STK32C: variants seen among roughly 807,000 people sequenced by gnomAD.
The protein encoded by STK32C is serine/threonine-protein kinase 32C.
In STK32C, 31 loss-of-function variants were observed where a neutral mutation model predicts 56.5. The ratio of observed to expected loss-of-function variants is 0.55; its 90% confidence interval spans 0.41 to 0.74. The LOEUF (loss-of-function observed/expected upper bound fraction) is 0.74. Ranked by LOEUF, STK32C falls within the 30% of genes least tolerant of loss-of-function variation. The probability of loss-of-function intolerance (pLI) is 0.00; values close to 1 mark genes in which losing one functional copy is unlikely to be tolerated. For synonymous variants in STK32C, 309 were observed against 289.4 expected, an observed-to-expected ratio of 1.07 and a Z score of -0.69; for missense variants, 544 against 676.9, an observed-to-expected ratio of 0.80 and a Z score of 2.18.
At chr10:132,230,679 CGGGGG>C (rs377544275) in intron 2 of STK32C, among the ~76,000 whole-genome samples, 1 of 49,684 alleles carries the variant, frequency 2.0e-5, no homozygotes, top group South Asian at 8.5e-4. Flanking sequence ...GGGAAGCTGG[CGGGGG>C]GGGGGGGGCT....
rs1223040750 is a variant in STK32C, at chr10:132,317,967, C to CAAAAAAAAAA, written c.301+13459_301+13468dup. 9.8e-3 allele frequency among the ~76,000 whole-genome samples: 546 copies of CAAAAAAAAAA among 55,522 alleles called. 12 individuals are homozygous for CAAAAAAAAAA. The highest frequency in any genetic ancestry group is 0.017 in the South Asian group (25 of 1,442). The allele number at this position is 55,522 out of a possible 152,430, so 36.4% of individuals were successfully genotyped here. A position where few individuals can be genotyped will look rare whatever the true frequency, so the allele number is the denominator to read the frequency against. ...CACTCCAGCCTGTGAGACTCTGTCTCAAAAAAAAAAAAAAAAAAAAGTCTG... is the reference window on the plus strand; with the variant it reads ...CACTCCAGCCTGTGAGACTCTGTCTCAAAAAAAAAAAAAAAAAAAAAAAAAAAAAAGTCTG... On this transcript the variant is annotated intron_variant, in intron 1 of 3. Transcript: ENST00000368620.
upstream of STK32C, among the ~76,000 whole-genome samples, chr10:132,310,846 G>A (rs1457519499): frequency 6.6e-6 from 1 of 152,230 alleles, no homozygotes; most frequent in Admixed American, 6.5e-5. This position sits in a 1 kb window ranked among gnomAD's most constrained non-coding sequence, Gnocchi z 4.6. Flanking sequence ...CTCTGAGCAG[G>A]TGACCTTGAT....
upstream of STK32C, among the ~76,000 whole-genome samples, chr10:132,309,741 C>G (rs2066185451): frequency 6.6e-6 from 1 of 152,184 alleles, no homozygotes. Context: ...GTGCCTGGAA[C>G]CCTGCGTACC....
chr10:132,287,383 T>C (rs1038059694), intron 1 of STK32C, among the ~76,000 whole-genome samples: 12 of 128,466 alleles, frequency 9.3e-5, no homozygotes, highest in Non-Finnish European at 1.6e-4. Context: ...CCCACCTACT[T>C]GGGAGGCTGA....
At chr10:132,232,471 C>G (rs561593081) in intron 2 of STK32C, among the ~76,000 whole-genome samples, 1 of 152,208 alleles carries the variant, frequency 6.6e-6, no homozygotes, top group African/African-American at 2.4e-5. Context: ...CACCCGAGAT[C>G]ACGCAGAGCA....
downstream of STK32C, among the ~76,000 whole-genome samples, chr10:132,321,112 C>A (rs1383485800): frequency 1.3e-5 from 2 of 152,136 alleles, no homozygotes; most frequent in East Asian, 1.9e-4. Flanking sequence ...CCTGACTGGT[C>A]AAAGGGATGT....
intron 1 of STK32C, among the ~76,000 whole-genome samples, chr10:132,328,669 A>G (rs2066555966): frequency 6.6e-6 from 1 of 152,262 alleles, no homozygotes; most frequent in Non-Finnish European, 1.5e-5. Flanking sequence ...AGGACAGCTT[A>G]AAAGTTAGAA....
Position 132,307,252 on chromosome 10 carries a change from A to C in STK32C, c.262+320T>G. 4.6e-6 allele frequency: 1 copy of C among 217,994 alleles called. No homozygotes were observed. The highest frequency in any genetic ancestry group is 9.0e-6 in the Non-Finnish European group (1 of 111,252). 13.5% of individuals were successfully genotyped at this position (217,994 alleles called of 1,614,324 possible). ...ACGTGGGCCCGAGCGGATCACGGAA[A>C]GCGGAAAGCAGGGCTGCCACGGGCG... On this transcript the variant is annotated intron_variant, in intron 1 of 11. Coordinates refer to ENST00000298630, the MANE Select transcript of STK32C (RefSeq NM_173575.4). This position sits in a 1 kb window ranked among gnomAD's most constrained non-coding sequence, Gnocchi z 4.4.
intron 1 of STK32C, among the ~76,000 whole-genome samples, chr10:132,286,609 A>G (rs1193547273): frequency 1.3e-5 from 2 of 152,256 alleles, no homozygotes; most frequent in South Asian, 2.1e-4. Context: ...TCAAAAGTCA[A>G]TGTAACTTAT....
chr10:132,258,074 C>T, intron 1 of STK32C, among the ~76,000 whole-genome samples: 1 of 152,240 alleles, frequency 6.6e-6, no homozygotes, highest in Non-Finnish European at 1.5e-5. Context: ...CACACATGTG[C>T]TGATGAATGC....
chr10:132,224,700 C>T (rs1360447196), intron 7 of STK32C, among the ~76,000 whole-genome samples, 177 bp from the exon 8 acceptor site: 2 of 151,970 alleles, frequency 1.3e-5, no homozygotes, highest in Non-Finnish European at 1.5e-5. Flanking sequence ...TGAGATAAAG[C>T]TTACGCCTGG....
At chr10:132,283,563 G>A (rs3935286) in intron 1 of STK32C, among the ~76,000 whole-genome samples, 28,694 of 152,190 alleles carry the variant, frequency 0.19, 3,578 homozygotes, top group Non-Finnish European at 0.29. Context: ...CATCTTCCTC[G>A]GCACAGAAGG....
intron 2 of STK32C, among the ~76,000 whole-genome samples, chr10:132,236,394 G>A (rs1257380931): frequency 1.3e-5 from 2 of 152,218 alleles, no homozygotes; most frequent in Non-Finnish European, 2.9e-5. Flanking sequence ...AGGGGCTCCC[G>A]GTCCAGATGA....
chr10:132,288,661 T>C (rs938983848), intron 1 of STK32C, among the ~76,000 whole-genome samples: 2 of 152,220 alleles, frequency 1.3e-5, no homozygotes, highest in African/African-American at 4.8e-5. Flanking sequence ...CATATTCCTA[T>C]GCACCAGCAA....
At chr10:132,254,105 C>G (rs907124178) in intron 1 of STK32C, among the ~76,000 whole-genome samples, 1 of 152,144 alleles carries the variant, frequency 6.6e-6, no homozygotes, top group Non-Finnish European at 1.5e-5. Flanking sequence ...GTCAGGAGAT[C>G]GAGACCATCC....
At position 132,253,562 on chromosome 10, in the gene STK32C, G is replaced by GC. The variant is rs1302486287; in HGVS notation, c.263-7608_263-7607insG. On this transcript the variant is annotated intron_variant, in intron 1 of 11. Coordinates refer to ENST00000298630, the MANE Select transcript of STK32C (RefSeq NM_173575.4). The stretch of plus-strand genomic sequence containing the variant: ...GAGGGAGTCGAGGGAGCTGGAGGGA[G>GC]TCGAGGGAGCTGGAGGGAGCTGGAG... 8.2e-3 allele frequency among the ~76,000 whole-genome samples: 1,099 copies of GC among 133,268 alleles called. 21 individuals carry two copies. The highest frequency in any genetic ancestry group is 0.03 in the African/African-American group (881 of 29,486). 87.4% of individuals were successfully genotyped at this position (133,268 alleles called of 152,430 possible).
At chr10:132,241,437 A>C (rs2063496982) in intron 2 of STK32C, among the ~76,000 whole-genome samples, 3 of 152,234 alleles carry the variant, frequency 2.0e-5, no homozygotes, top group Admixed American at 6.5e-5. Flanking sequence ...CATAGGAACG[A>C]CGTATCATCA....
At chr10:132,246,111 C>A (rs547378411) in intron 1 of STK32C, among the ~76,000 whole-genome samples, 156 bp from the exon 2 acceptor site, 18 of 152,318 alleles carry the variant, frequency 1.2e-4, no homozygotes, top group Admixed American at 5.9e-4. Context: ...CGCTCCTGTG[C>A]GAGGCAGGAG....
rs1298534398 is a variant in STK32C, at chr10:132,225,514, A to T, written c.772+13T>A. 4.3e-6 allele frequency: 7 copies of T among 1,613,592 alleles called. No homozygotes were observed. The highest frequency in any genetic ancestry group is 5.1e-6 in the Non-Finnish European group (6 of 1,180,002). The stretch of plus-strand genomic sequence containing the variant: ...GAAGCCAGCTCCCATCTGGAACCCC[A>T]GCTCGGGCTCACCCATGTACGGCTT... On this transcript the variant is annotated intron_variant, in intron 6 of 11. Coordinates refer to ENST00000298630, the MANE Select transcript of STK32C (RefSeq NM_173575.4).
Sources: allele counts gnomAD v4.1 joint callset (sites outside exome capture counted in the v4.1 genomes callset), GRCh38; gene constraint gnomAD v4.1.1; non-coding constraint Gnocchi (gnomAD v3.1); transcripts MANE v1.5; gene names NCBI Gene and HGNC (gene_info 2026-07-23, HGNC 2026-07-21).